Variants in ARHGAP40 observed in about 807,000 individuals in gnomAD.
The protein encoded by ARHGAP40 is rho GTPase-activating protein 40.
Under a neutral mutation model 73.5 loss-of-function variants are expected in ARHGAP40, and 43 were observed. That is an observed-to-expected ratio of 0.58 (90% confidence interval 0.46 to 0.75). ARHGAP40 has a LOEUF of 0.75. Among genes scored for constraint, ARHGAP40 ranks in the 30% least tolerant of loss-of-function variants. The probability of loss-of-function intolerance (pLI) is 0.00; values close to 1 mark genes in which losing one functional copy is unlikely to be tolerated. For synonymous variants in ARHGAP40, 300 were observed against 352.8 expected, an observed-to-expected ratio of 0.85 and a Z score of 1.68; for missense variants, 734 against 861.8, an observed-to-expected ratio of 0.85 and a Z score of 1.86.
At chr20:38,608,419 T>A (rs1426911093) in intron 1 of ARHGAP40, among the ~76,000 whole-genome samples, 1 of 152,150 alleles carries the variant, frequency 6.6e-6, no homozygotes, top group Non-Finnish European at 1.5e-5. Flanking sequence ...GTTTGCCCCA[T>A]CTTAAGAGGA....
chr20:38,627,032 C>A (rs1183534124), exon 3 of ARHGAP40: 1 of 1,304,922 alleles, frequency 7.7e-7, no homozygotes. Context: ...AGGACACAGG[C>A]CTGTCGGGCC....
chr20:38,608,648 T>C (rs2088787156), intron 1 of ARHGAP40, among the ~76,000 whole-genome samples: 1 of 152,138 alleles, frequency 6.6e-6, no homozygotes, highest in Non-Finnish European at 1.5e-5. Flanking sequence ...CCTTAGCCAC[T>C]ATAGTGGCTA....
intron 9 of ARHGAP40, among the ~76,000 whole-genome samples, chr20:38,641,055 T>C (rs1289679556): frequency 6.6e-6 from 1 of 150,592 alleles, no homozygotes; most frequent in Non-Finnish European, 1.5e-5. Context: ...TATTTGTTGA[T>C]AAGTGAGAGA....
chr20:38,614,888 C>T, intron 1 of ARHGAP40: 1 of 1,291,320 alleles, frequency 7.7e-7, no homozygotes, highest in Non-Finnish European at 1.1e-6. Flanking sequence ...CATCCCCCAG[C>T]AAGCTGCCTG....
At chr20:38,608,151 T>C (rs1187482169) in intron 1 of ARHGAP40, among the ~76,000 whole-genome samples, 1 of 152,230 alleles carries the variant, frequency 6.6e-6, no homozygotes, top group African/African-American at 2.4e-5. Flanking sequence ...GGAGAGTTGT[T>C]CTGCACTACC....
At chr20:38,638,836 A>G (rs1319869104) in exon 8 of ARHGAP40, 2 of 1,305,404 alleles carry the variant, frequency 1.5e-6, no homozygotes, top group South Asian at 2.5e-5. Context: ...GGCCAGGGTC[A>G]AGGTAATGGT....
rs572448899 is a variant in ARHGAP40, at chr20:38,629,613, G to A, written c.746G>A (p.Arg249Gln). 53 of 1,305,408 alleles carry A rather than the reference G, an allele frequency of 4.1e-5. No homozygotes were observed. Among genetic ancestry groups the A allele is most frequent in the African/African-American group, 1.1e-4 (7 of 65,996 alleles). The allele number at this position is 1,305,408 out of a possible 1,614,324, so 80.9% of individuals were successfully genotyped here. Residue 249 changes from arginine (R) to glutamine (Q), a missense_variant, in exon 5 of 15, where the codon CGG (arginine) becomes CAG (glutamine). Physicochemically the swap from Arg to Gln is conservative, Grantham distance 43. Transcript: ENST00000373345. ...CTCCTGCAGAGGAGCAGGCCATCCCGGGGAGGCACCTCTGCCTGGGGCAAG... is the reference window on the plus strand; with the variant it reads ...CTCCTGCAGAGGAGCAGGCCATCCCAGGGAGGCACCTCTGCCTGGGGCAAG...
At chr20:38,610,556 T>A (rs1259321513) in intron 1 of ARHGAP40, among the ~76,000 whole-genome samples, 1 of 152,210 alleles carries the variant, frequency 6.6e-6, no homozygotes, top group Non-Finnish European at 1.5e-5. Context: ...ACAGGAGTTA[T>A]AGGCAAAGAC....
intron 11 of ARHGAP40, among the ~76,000 whole-genome samples, chr20:38,644,822 C>T (rs575260958): frequency 1.3e-5 from 2 of 151,934 alleles, no homozygotes; most frequent in South Asian, 4.2e-4. Flanking sequence ...ATCTATCCAA[C>T]TAAACCACAC....
At position 38,648,642 on chromosome 20, in the gene ARHGAP40, G is replaced by A; in HGVS notation, c.1881-1G>A. 7.7e-7 allele frequency: 1 copy of A among 1,304,804 alleles called. No homozygotes were observed. Among genetic ancestry groups the A allele is most frequent in the South Asian group, 1.2e-5 (1 of 80,944 alleles). The allele number at this position is 1,304,804 out of a possible 1,614,324, so 80.8% of individuals were successfully genotyped here. On this transcript the variant is annotated splice_acceptor_variant, in intron 13 of 14. Coordinates refer to ENST00000373345, the Ensembl canonical transcript of ARHGAP40. LOFTEE classifies it high-confidence loss of function. Reference sequence around the variant, plus strand: ...TTTTTTTCTCTCTCTCTGTTTTACAGCCATAGGTCCATGGAGTCAGCCAAC... The same window carrying A: ...TTTTTTTCTCTCTCTCTGTTTTACAACCATAGGTCCATGGAGTCAGCCAAC...
At chr20:38,639,257 T>C in exon 9 of ARHGAP40, 1 of 1,305,498 alleles carries the variant, frequency 7.7e-7, no homozygotes, top group Non-Finnish European at 1.0e-6. Context: ...GAGAGACTTC[T>C]ATGCTGGCCT....
intron 9 of ARHGAP40, among the ~76,000 whole-genome samples, chr20:38,641,033 G>T (rs558488391): frequency 1.5e-4 from 22 of 148,350 alleles, no homozygotes; most frequent in Non-Finnish European, 2.1e-4. Flanking sequence ...CACCTGACAG[G>T]TACTTGATAG....
intron 5 of ARHGAP40, 108 bp from the exon 6 acceptor site, chr20:38,634,512 A>G: frequency 1.0e-6 from 1 of 1,001,308 alleles, no homozygotes; most frequent in Non-Finnish European, 1.4e-6. Context: ...GCTCTTATCC[A>G]CGCTGCTCTT....
At chr20:38,606,989 G>A (rs2088773837) in intron 1 of ARHGAP40, among the ~76,000 whole-genome samples, 1 of 152,204 alleles carries the variant, frequency 6.6e-6, no homozygotes, top group South Asian at 2.1e-4. Context: ...TTCCTTTTCT[G>A]TAAAATGGTT....
In ARHGAP40 at chr20:38,629,487, TC is replaced by T. The variant is rs1295961585; in HGVS notation, c.635-10del. 14 of 1,304,996 alleles carry T rather than the reference TC, an allele frequency of 1.1e-5. No individual in the cohort carries two copies. Among genetic ancestry groups the T allele is most frequent in the African/African-American group, 1.5e-5 (1 of 65,848 alleles). The allele number at this position is 1,304,996 out of a possible 1,614,324, so 80.8% of individuals were successfully genotyped here. A position where few individuals can be genotyped will look rare whatever the true frequency, so the allele number is the denominator to read the frequency against. On this transcript the variant is annotated splice_polypyrimidine_tract_variant and intron_variant, in intron 4 of 14. Coordinates refer to ENST00000373345, the Ensembl canonical transcript of ARHGAP40. ...TCTCACTGCCTTTCTCTGCTTTGTT[TC>T]CCCCGCCCCGCAGCAGCAGAGCCTG...
chr20:38,624,221 C>T (rs1005970425), intron 2 of ARHGAP40, among the ~76,000 whole-genome samples: 6 of 152,038 alleles, frequency 3.9e-5, no homozygotes, highest in Admixed American at 3.3e-4. Context: ...ATCAGGGGGC[C>T]TCATCTGGGA....
intron 1 of ARHGAP40, among the ~76,000 whole-genome samples, chr20:38,611,570 A>G (rs2088805296): frequency 6.6e-6 from 1 of 151,528 alleles, no homozygotes; most frequent in African/African-American, 2.4e-5. Context: ...GTTATGCACA[A>G]CCACACTTGG....
chr20:38,629,537 A>G (rs763561455), exon 5 of ARHGAP40: 2 of 1,305,358 alleles, frequency 1.5e-6, no homozygotes, highest in Non-Finnish European at 2.0e-6. Context: ...GCAGGCTGGG[A>G]GGGAAGAAGC....
At chr20:38,606,821 A>G (rs1007233598) in intron 1 of ARHGAP40, among the ~76,000 whole-genome samples, 1 of 152,186 alleles carries the variant, frequency 6.6e-6, no homozygotes, top group East Asian at 1.9e-4. Flanking sequence ...ATCTCTCCAG[A>G]CACACCCCCT....
Sources: gnomAD v4.1 joint callset for allele counts (sites outside exome capture counted in the v4.1 genomes callset) on GRCh38, gnomAD v4.1.1 for gene constraint, MANE v1.5 for transcripts, NCBI Gene and HGNC (gene_info 2026-07-23, HGNC 2026-07-21) for gene names.